Variants in GALNT1 observed in about 807,000 individuals in gnomAD.
GALNT1 encodes the protein GalNAc transferase 1.
A neutral mutation model predicts 65.7 loss-of-function variants in GALNT1; 17 were observed. That is an observed-to-expected ratio of 0.26 (90% CI 0.18 to 0.39). The LOEUF is 0.39. GALNT1 is among the 10% of genes least tolerant of loss of function. The pLI is 1.00. For missense variants in GALNT1, 460 were observed against 672.8 expected (o/e 0.68, Z 3.50); for synonymous variants, 210 against 219.7 (o/e 0.96, Z 0.39).
chr18:35,700,797 T>A (rs539075988), intron 9 of GALNT1, among the ~76,000 whole-genome samples: 9 of 152,200 alleles, frequency 5.9e-5, no homozygotes, highest in Admixed American at 1.3e-4. Context: ...GAATTGCATT[T>A]TTTGTTTTGA....
intron 1 of GALNT1, among the ~76,000 whole-genome samples, chr18:35,617,034 TC>T (rs2046791727): frequency 6.6e-6 from 1 of 152,102 alleles, no homozygotes; most frequent in South Asian, 2.1e-4. Context: ...TATGAGTAGT[TC>T]CTTCCCCATT....
chr18:35,654,886 T>A, intron 2 of GALNT1, 85 bp downstream of exon 2: 1 of 1,107,722 alleles, frequency 9.0e-7, no homozygotes, highest in Non-Finnish European at 1.2e-6. Context: ...AAATTTTAAC[T>A]TTTTTAGATT....
intron 1 of GALNT1, among the ~76,000 whole-genome samples, chr18:35,584,835 A>G (rs1173783646): frequency 6.6e-6 from 1 of 152,174 alleles, no homozygotes; most frequent in Non-Finnish European, 1.5e-5. Flanking sequence ...CTCAGGCAGT[A>G]ATGCTCGCTT....
chr18:35,709,436 TTCTCTCTCTCTC>T (rs58566456), intron 11 of GALNT1, among the ~76,000 whole-genome samples, 176 bp from the exon 12 acceptor site: 2 of 148,496 alleles, frequency 1.3e-5, no homozygotes, highest in African/African-American at 2.5e-5. Context: ...ATCTACCTAC[TTCTCTCTCTCTC>T]TCTCTCTCTC....
chr18:35,581,012 G>C (rs2046305133), upstream of GALNT1: 1 of 152,066 alleles, frequency 6.6e-6, no homozygotes. Context: ...CGCTCTCGCC[G>C]TCCTCCCTCA....
chr18:35,588,937 C>T (rs975676758), intron 1 of GALNT1, among the ~76,000 whole-genome samples: 2 of 152,164 alleles, frequency 1.3e-5, no homozygotes, highest in African/African-American at 2.4e-5. Flanking sequence ...AGTTTGAGTT[C>T]ATCCTGGCTC....
chr18:35,599,740 G>T (rs2046557586), intron 1 of GALNT1, among the ~76,000 whole-genome samples: 1 of 152,138 alleles, frequency 6.6e-6, no homozygotes, highest in Non-Finnish European at 1.5e-5. Context: ...ATTCTTCTGT[G>T]TATGGTCATA....
intron 1 of GALNT1, among the ~76,000 whole-genome samples, chr18:35,636,851 C>T (rs1228037360): frequency 7.0e-6 from 1 of 143,578 alleles, no homozygotes; most frequent in Non-Finnish European, 1.5e-5. Flanking sequence ...TGAAAAAGTC[C>T]ATAGGCACCA....
chr18:35,638,698 C>T (rs1459571918), intron 1 of GALNT1, among the ~76,000 whole-genome samples: 1 of 152,142 alleles, frequency 6.6e-6, no homozygotes, highest in Admixed American at 6.5e-5. Context: ...TTTTTCCCAC[C>T]ACAGTGACCA....
chr18:35,628,910 C>T (rs1415917378), intron 1 of GALNT1, among the ~76,000 whole-genome samples: 2 of 152,226 alleles, frequency 1.3e-5, no homozygotes, highest in East Asian at 3.8e-4. Flanking sequence ...ACGAGAACTA[C>T]ATGACGAATG....
At position 35,682,080 on chromosome 18, in the gene GALNT1, C is replaced by G. The variant is rs193137886; in HGVS notation, c.482-1311C>G. Reference sequence around the variant, plus strand: ...TTCTCTGGGATTGGCACTACCCTTACCTTTTTACTCAGAATCAATTTAGAT... The same window carrying G: ...TTCTCTGGGATTGGCACTACCCTTAGCTTTTTACTCAGAATCAATTTAGAT... On this transcript the variant is annotated intron_variant, in intron 4 of 11. Transcript: ENST00000269195. 5.5e-4 allele frequency among the ~76,000 whole-genome samples: 84 copies of G among 152,204 alleles called. 1 individual carries two copies. The East Asian group carries it at 0.015, about 28-fold the overall frequency.
intron 1 of GALNT1, among the ~76,000 whole-genome samples, chr18:35,618,436 A>G (rs564755541): frequency 3.9e-5 from 6 of 152,158 alleles, no homozygotes; most frequent in Non-Finnish European, 8.8e-5. Flanking sequence ...CTAAAGCTCA[A>G]GTGGAGAAAT....
intron 4 of GALNT1, 47 bp downstream of exon 4, chr18:35,677,804 C>A: frequency 7.0e-7 from 1 of 1,421,334 alleles, no homozygotes; most frequent in Non-Finnish European, 9.7e-7. Flanking sequence ...CCTTTTGTCA[C>A]TAACGGTTAA....
In GALNT1 at chr18:35,644,964, C is replaced by G. The variant is rs1378843445; in HGVS notation, c.-103-9596C>G. Among the ~76,000 whole-genome samples the G allele has an allele frequency of 2.6e-5, 4 of 151,962 alleles. No homozygotes were observed. The East Asian group carries it at 7.7e-4, about 29-fold the overall frequency. On this transcript the variant is annotated intron_variant, in intron 1 of 11. Transcript: ENST00000269195. ...CAGGATCACACCACTGCACTCCGGC[C>G]TGGGTGACAGAGCAAGACTCTGTCT... is the stretch of plus-strand genomic sequence containing the variant.
chr18:35,625,896 A>G (rs1292959144), intron 1 of GALNT1, among the ~76,000 whole-genome samples: 3 of 152,052 alleles, frequency 2.0e-5, no homozygotes, highest in African/African-American at 7.3e-5. Flanking sequence ...GAAATTAGTA[A>G]CTTACCTGGC....
Position 35,668,891 on chromosome 18 carries a change from C to T in GALNT1, c.314+5089C>T, listed in dbSNP as rs556533206. Reference sequence around the variant, plus strand: ...GAAAAATATAACTTAGTAAAATTGACATCAGAGAAAAGAAAGTATAAGTTC... The same window carrying T: ...GAAAAATATAACTTAGTAAAATTGATATCAGAGAAAAGAAAGTATAAGTTC... On this transcript the variant is annotated intron_variant, in intron 3 of 11. Transcript: ENST00000269195. 1.3e-3 allele frequency among the ~76,000 whole-genome samples: 197 copies of T among 152,222 alleles called. 2 individuals are homozygous for T. The highest frequency in any genetic ancestry group is 4.6e-3 in the Admixed American group (71 of 15,278).
At position 35,709,921 on chromosome 18, in the gene GALNT1, T is replaced by C. The variant is rs2048328377; in HGVS notation, c.*151T>C. The stretch of plus-strand genomic sequence containing the variant: ...TCAGCCATTAAAACTTAGACTTCTC[T>C]AGCTTTTCACTAGCTGTGAACCAGC... On this transcript the variant is annotated 3_prime_UTR_variant, in exon 12 of 12. Transcript: ENST00000269195. 5.7e-6 allele frequency: 5 copies of C among 875,130 alleles called. No individual in the cohort carries two copies. Among genetic ancestry groups the C allele is most frequent in the Admixed American group, 5.7e-5 (2 of 35,192 alleles). The allele number at this position is 875,130 out of a possible 1,614,324, so 54.2% of individuals were successfully genotyped here. A position where few individuals can be genotyped will look rare whatever the true frequency, so the allele number is the denominator to read the frequency against.
chr18:35,585,231 A>G (rs1158077415), intron 1 of GALNT1, among the ~76,000 whole-genome samples: 5 of 152,068 alleles, frequency 3.3e-5, no homozygotes, highest in Non-Finnish European at 7.4e-5. Context: ...AACCCCCGAC[A>G]CATGCCTCTT....
chr18:35,663,919 A>G (rs2047510294), intron 3 of GALNT1, 117 bp downstream of exon 3: 1 of 820,052 alleles, frequency 1.2e-6, no homozygotes, highest in Non-Finnish European at 2.0e-6. Flanking sequence ...CTATGTTACT[A>G]CTTACCCCAC....
Sources: allele counts gnomAD v4.1 joint callset (sites outside exome capture counted in the v4.1 genomes callset), GRCh38; gene constraint gnomAD v4.1.1; transcripts MANE v1.5; gene names NCBI Gene and HGNC (gene_info 2026-07-23, HGNC 2026-07-21).